Variants in LHFPL3 observed in about 807,000 individuals in gnomAD.
LHFPL3 encodes LHFPL tetraspan subfamily member 3 protein.
In LHFPL3, 5 loss-of-function variants were observed where a neutral mutation model predicts 19.3. The ratio of observed to expected loss-of-function variants is 0.26; its 90% CI spans 0.14 to 0.54. The LOEUF (loss-of-function observed/expected upper bound fraction) is 0.54. Among genes scored for constraint, LHFPL3 ranks in the 20% least tolerant of loss-of-function variants. LHFPL3 has a pLI of 0.94. For synonymous variants in LHFPL3, 133 were observed against 126.2 expected, an observed-to-expected ratio of 1.05 and a Z score of -0.36; for missense variants, 249 against 307.4, an observed-to-expected ratio of 0.81 and a Z score of 1.42.
At chr7:104,457,606 T>A (rs1218889416) in intron 1 of LHFPL3, among the ~76,000 whole-genome samples, 1 of 149,308 alleles carries the variant, frequency 6.7e-6, no homozygotes, top group Non-Finnish European at 1.5e-5. Flanking sequence ...GCAGCATGAT[T>A]TATAGTCCTT....
At chr7:104,837,419 C>T (rs771468401) in intron 2 of LHFPL3, among the ~76,000 whole-genome samples, 17 of 152,132 alleles carry the variant, frequency 1.1e-4, no homozygotes, top group South Asian at 2.1e-4. Flanking sequence ...GTTTATCTTC[C>T]GCACTAAACT....
chr7:104,759,014 C>T (rs528503581), intron 2 of LHFPL3, among the ~76,000 whole-genome samples: 2 of 152,328 alleles, frequency 1.3e-5, no homozygotes, highest in South Asian at 4.1e-4. Flanking sequence ...CTGTAATATA[C>T]TTGACTGACA....
chr7:104,672,965 T>C (rs1003120895), intron 1 of LHFPL3, among the ~76,000 whole-genome samples: 2 of 152,180 alleles, frequency 1.3e-5, no homozygotes, highest in African/African-American at 2.4e-5. Context: ...CTCTCAATAC[T>C]GGTTTTTCTT....
rs1562947492 is a variant in LHFPL3, at chr7:104,603,113, TC to T, written c.446-133561del. ...TTCTTTCTTTCTTTCTTTCTTTCTT[TC>T]TTTCTTTCTTTCTTTCTTTTTTCCC... On this transcript the variant is annotated intron_variant, in intron 1 of 2. Transcript: ENST00000424859. Among the ~76,000 whole-genome samples, 1,335 of 137,986 alleles carry T rather than the reference TC, an allele frequency of 9.7e-3. 16 individuals are homozygous for T. The highest frequency in any genetic ancestry group is 0.035 in the African/African-American group (1,272 of 36,050). 90.5% of individuals were successfully genotyped at this position (137,986 alleles called of 152,430 possible).
intron 2 of LHFPL3, among the ~76,000 whole-genome samples, chr7:104,759,052 C>A (rs1794332317): frequency 1.3e-5 from 2 of 152,194 alleles, no homozygotes; most frequent in African/African-American, 2.4e-5. Context: ...ATTTTTAAGT[C>A]ACGCCGAGGA....
chr7:104,773,047 C>T (rs1382054805), intron 2 of LHFPL3, among the ~76,000 whole-genome samples: 2 of 152,170 alleles, frequency 1.3e-5, no homozygotes, highest in Non-Finnish European at 2.9e-5. Context: ...TTGTTTTCTC[C>T]CTGGTGGGCT....
At chr7:104,649,083 C>A (rs1200643490) in intron 1 of LHFPL3, among the ~76,000 whole-genome samples, 1 of 152,186 alleles carries the variant, frequency 6.6e-6, no homozygotes, top group African/African-American at 2.4e-5. Context: ...GCTCAGCTAA[C>A]ATCATGATCC....
At chr7:104,718,655 C>A (rs142237002) in intron 1 of LHFPL3, among the ~76,000 whole-genome samples, 1 of 152,128 alleles carries the variant, frequency 6.6e-6, no homozygotes, top group Non-Finnish European at 1.5e-5. Flanking sequence ...CAAAAGTAAT[C>A]GCAATTTTTG....
intron 1 of LHFPL3, among the ~76,000 whole-genome samples, chr7:104,499,235 G>C (rs892866070): frequency 3.3e-5 from 5 of 152,196 alleles, no homozygotes; most frequent in Admixed American, 3.3e-4. Context: ...AACCTGTTGG[G>C]TAATGTTAGA....
At chr7:104,450,761 T>C (rs966365084) in intron 1 of LHFPL3, among the ~76,000 whole-genome samples, 5 of 152,000 alleles carry the variant, frequency 3.3e-5, no homozygotes, top group Non-Finnish European at 7.4e-5. Flanking sequence ...CAACATTCTA[T>C]TAAGTAAAAG....
chr7:104,671,069 A>G (rs1351381296), intron 1 of LHFPL3, among the ~76,000 whole-genome samples: 1 of 152,002 alleles, frequency 6.6e-6, no homozygotes. Context: ...GTCCTAGATT[A>G]GGCCCTGTTC....
At chr7:104,386,414 G>T (rs926059657) in intron 1 of LHFPL3, among the ~76,000 whole-genome samples, 1 of 152,140 alleles carries the variant, frequency 6.6e-6, no homozygotes, top group Non-Finnish European at 1.5e-5. Flanking sequence ...AACAACTGGG[G>T]CAAACAAGAG....
chr7:104,776,564 C>G lies in LHFPL3; in HGVS notation c.682+39653C>G, dbSNP rs146508521. Among the ~76,000 whole-genome samples, 789 of 152,344 alleles carry G rather than the reference C, an allele frequency of 5.2e-3. 4 individuals carry two copies. Among genetic ancestry groups the G allele is most frequent in the African/African-American group, 0.018 (744 of 41,576 alleles). On this transcript the variant is annotated intron_variant, in intron 2 of 2. Coordinates refer to ENST00000424859, the MANE Select transcript of LHFPL3 (RefSeq NM_199000.3). ...TCCCAAAGTTTCTGATTCTGCAGGT[C>G]TGGAGGTGAGGCCCAAGAATGTGCT...
At chr7:104,339,825 G>A (rs1789911020) in intron 1 of LHFPL3, among the ~76,000 whole-genome samples, 1 of 152,162 alleles carries the variant, frequency 6.6e-6, no homozygotes, top group African/African-American at 2.4e-5. Context: ...ACACCTCTGA[G>A]ATTATTGCCA....
intron 1 of LHFPL3, among the ~76,000 whole-genome samples, chr7:104,473,920 C>A (rs1327263107): frequency 6.6e-6 from 1 of 152,126 alleles, no homozygotes; most frequent in Non-Finnish European, 1.5e-5. Context: ...ATTTATAAAG[C>A]TCTATGACAC....
intron 2 of LHFPL3, among the ~76,000 whole-genome samples, chr7:104,840,517 C>A (rs371605712): frequency 8.7e-6 from 1 of 114,392 alleles, no homozygotes; most frequent in South Asian, 2.8e-4. Context: ...GAGACCAGGG[C>A]CTTGTTGCCT....
intron 1 of LHFPL3, among the ~76,000 whole-genome samples, chr7:104,453,066 A>T (rs536120858): frequency 1.3e-5 from 2 of 152,278 alleles, no homozygotes; most frequent in Admixed American, 1.3e-4. Flanking sequence ...ATTCTTTTCC[A>T]GGTTACAATT....
Position 104,670,861 on chromosome 7 carries a change from G to GTT in LHFPL3, c.446-65811_446-65810dup, listed in dbSNP as rs765180265. ...TGAGGTGGCCAGACCAATGTGTTTT[G>GTT]TTTTGTTTTTTTTTTTTTAAGCTTC... On this transcript the variant is annotated intron_variant, in intron 1 of 2. Coordinates refer to ENST00000424859, the MANE Select transcript of LHFPL3 (RefSeq NM_199000.3). Among the ~76,000 whole-genome samples the GTT allele has an allele frequency of 1.7e-3, 242 of 146,452 alleles. 5 individuals carry two copies. The highest frequency in any genetic ancestry group is 5.9e-3 in the South Asian group (27 of 4,570).
At chr7:104,772,149 C>G (rs560964265) in intron 2 of LHFPL3, among the ~76,000 whole-genome samples, 23 of 152,050 alleles carry the variant, frequency 1.5e-4, no homozygotes, top group African/African-American at 5.3e-4. Context: ...CTCTGCTGGC[C>G]AATCATACCT....
Sources: gnomAD v4.1 joint callset for allele counts (sites outside exome capture counted in the v4.1 genomes callset) on GRCh38, gnomAD v4.1.1 for gene constraint, MANE v1.5 for transcripts, NCBI Gene and HGNC (gene_info 2026-07-23, HGNC 2026-07-21) for gene names.